The following SERPINI1 variants were observed in gnomAD, a reference collection of about 807,000 sequenced individuals.
The protein encoded by SERPINI1 is serpin family I member 1.
A neutral mutation model predicts 41.1 loss-of-function variants in SERPINI1; 19 were observed. The observed-to-expected ratio is 0.46, with a 90% CI of 0.32 to 0.68. The LOEUF is 0.68. Among genes scored for constraint, SERPINI1 ranks in the 30% least tolerant of loss-of-function variants. The probability of loss-of-function intolerance (pLI) is 0.03; values close to 1 mark genes in which losing one functional copy is unlikely to be tolerated. For synonymous variants in SERPINI1, 138 were observed against 156.6 expected (o/e 0.88, Z 0.89); for missense variants, 460 against 479.2 (o/e 0.96, Z 0.37).
chr3:167,793,137 C>T (rs924975669), intron 4 of SERPINI1, among the ~76,000 whole-genome samples: 1 of 152,148 alleles, frequency 6.6e-6, no homozygotes, highest in Admixed American at 6.5e-5. Context: ...TTAGGCTCTG[C>T]ACCACTTTTT....
At chr3:167,812,029 C>T (rs930946327) in intron 6 of SERPINI1, among the ~76,000 whole-genome samples, 11 of 152,280 alleles carry the variant, frequency 7.2e-5, no homozygotes, top group African/African-American at 2.4e-4. Flanking sequence ...TCTCTTGCTT[C>T]TAGAAAAACG....
chr3:167,777,297 A>G (rs6789413), intron 1 of SERPINI1, among the ~76,000 whole-genome samples: 67,889 of 152,044 alleles, frequency 0.45, 16,027 homozygotes, highest in African/African-American at 0.6. Context: ...TGACAATGTC[A>G]TATTTTTTCT....
At position 167,767,578 on chromosome 3, in the gene SERPINI1, AT is replaced by A. The variant is rs201093482; in HGVS notation, c.-18-21528del. 7.4e-3 allele frequency among the ~76,000 whole-genome samples: 1,127 copies of A among 152,230 alleles called. 5 individuals carry two copies. Among genetic ancestry groups the A allele is most frequent in the African/African-American group, 0.024 (986 of 41,540 alleles). On this transcript the variant is annotated intron_variant, in intron 1 of 8. Transcript: ENST00000446050. The stretch of plus-strand genomic sequence containing the variant: ...TTAGATCTGGGCAAAGTAAATTGAA[AT>A]TTTTCTGGAAAGGATTCACTAGAAT...
intron 1 of SERPINI1, among the ~76,000 whole-genome samples, chr3:167,764,874 C>G (rs1036292442): frequency 6.6e-6 from 1 of 152,202 alleles, no homozygotes; most frequent in Admixed American, 6.5e-5. Flanking sequence ...CCATGCAAGT[C>G]TGAAATCCAG....
chr3:167,751,381 A>G (rs554401341), intron 1 of SERPINI1, among the ~76,000 whole-genome samples: 4 of 152,314 alleles, frequency 2.6e-5, no homozygotes, highest in Admixed American at 2.0e-4. Flanking sequence ...TGTCTACTTG[A>G]TAAAATGAGG....
At chr3:167,742,636 C>G (rs571441649) in intron 1 of SERPINI1, among the ~76,000 whole-genome samples, 2 of 152,088 alleles carry the variant, frequency 1.3e-5, no homozygotes, top group African/African-American at 2.4e-5. Flanking sequence ...ATATGGCTGC[C>G]CTAGCTTTAA....
intron 1 of SERPINI1, among the ~76,000 whole-genome samples, chr3:167,771,544 A>C (rs2108545795): frequency 6.6e-6 from 1 of 152,326 alleles, no homozygotes; most frequent in Non-Finnish European, 1.5e-5. Context: ...GGACAAGGGA[A>C]TGTGGGGAAG....
At chr3:167,806,645 C>A (rs997306459) in intron 5 of SERPINI1, among the ~76,000 whole-genome samples, 4 of 151,988 alleles carry the variant, frequency 2.6e-5, no homozygotes, top group African/African-American at 9.7e-5. Flanking sequence ...TAATGTAGTG[C>A]ATTTTATTTT....
At chr3:167,764,855 C>T (rs571163260) in intron 1 of SERPINI1, among the ~76,000 whole-genome samples, 2 of 152,242 alleles carry the variant, frequency 1.3e-5, no homozygotes, top group East Asian at 3.9e-4. Flanking sequence ...AACAAAGGGG[C>T]TAAAGGAACC....
intron 6 of SERPINI1, among the ~76,000 whole-genome samples, chr3:167,819,042 C>G (rs1417212245): frequency 6.6e-6 from 1 of 152,202 alleles, no homozygotes; most frequent in African/African-American, 2.4e-5. Flanking sequence ...GCTTAACTCA[C>G]AGACTGATGA....
intron 1 of SERPINI1, among the ~76,000 whole-genome samples, chr3:167,764,046 T>G (rs1726477373): frequency 6.6e-6 from 1 of 152,172 alleles, no homozygotes; most frequent in African/African-American, 2.4e-5. Flanking sequence ...ACACCTTTTG[T>G]TTCCTGGTAT....
chr3:167,801,133 A>G (rs1727886428), intron 5 of SERPINI1, among the ~76,000 whole-genome samples: 1 of 152,164 alleles, frequency 6.6e-6, no homozygotes, highest in Non-Finnish European at 1.5e-5. Context: ...TTTGTTTTTT[A>G]ACATGAGTGC....
chr3:167,823,261 C>CT (rs1469567973), intron 7 of SERPINI1, among the ~76,000 whole-genome samples, 189 bp downstream of exon 7: 1 of 152,200 alleles, frequency 6.6e-6, no homozygotes, highest in East Asian at 1.9e-4. Flanking sequence ...TCCAGTGCCC[C>CT]TTTACAGATA....
chr3:167,792,955 T>G (rs1169582718), intron 4 of SERPINI1, among the ~76,000 whole-genome samples, 171 bp downstream of exon 4: 1 of 152,174 alleles, frequency 6.6e-6, no homozygotes, highest in Non-Finnish European at 1.5e-5. Context: ...AAATATTATA[T>G]TCATTGATGG....
intron 5 of SERPINI1, among the ~76,000 whole-genome samples, chr3:167,805,829 T>C: frequency 6.6e-6 from 1 of 152,162 alleles, no homozygotes; most frequent in East Asian, 1.9e-4. Flanking sequence ...TTTGTCAGGT[T>C]TGTCAAAGAT....
intron 1 of SERPINI1, among the ~76,000 whole-genome samples, chr3:167,788,774 C>T (rs903740384): frequency 1.3e-5 from 2 of 152,208 alleles, no homozygotes; most frequent in African/African-American, 4.8e-5. Context: ...TTTCATTATA[C>T]TTGTCCTAGA....
chr3:167,810,492 A>G (rs58244780), intron 6 of SERPINI1, among the ~76,000 whole-genome samples: 1 of 152,316 alleles, frequency 6.6e-6, no homozygotes, highest in African/African-American at 2.4e-5. Flanking sequence ...ACCATAGTCT[A>G]TTAAAGGTAC....
chr3:167,807,281 T>G lies in SERPINI1; in HGVS notation c.919T>G (p.Leu307Val). 6.2e-7 allele frequency: 1 copy of G among 1,613,082 alleles called. No homozygotes were observed. The highest frequency in any genetic ancestry group is 8.5e-7 in the Non-Finnish European group (1 of 1,179,384). Residue 307 changes from leucine to valine, a missense_variant, in exon 6 of 9, where the codon TTG becomes GTG. Coordinates refer to ENST00000446050, the MANE Select transcript of SERPINI1 (RefSeq NM_001122752.2). ...VEQEIDLKDV[L>V]KALGITEIFI... ...ACAGGAAATTGATTTAAAAGATGTT[T>G]TGAAGGCTCTTGGAATAACTGAAAT...
chr3:167,820,883 G>GAGCCACCCA (rs1712301302), intron 6 of SERPINI1, among the ~76,000 whole-genome samples: 1 of 152,206 alleles, frequency 6.6e-6, no homozygotes, highest in Non-Finnish European at 1.5e-5. Context: ...CGCGCCACCT[G>GAGCCACCCA]TGGCCACCCA....
Sources: gnomAD v4.1 joint callset for allele counts (sites outside exome capture counted in the v4.1 genomes callset) on GRCh38, gnomAD v4.1.1 for gene constraint, MANE v1.5 for transcripts, NCBI Gene and HGNC (gene_info 2026-07-23, HGNC 2026-07-21) for gene names.